FER: variants seen among roughly 807,000 people sequenced by gnomAD.
The protein encoded by FER is FER tyrosine kinase, also known as tyrosine-protein kinase Fer.
A neutral mutation model predicts 111.0 loss-of-function variants in FER; 63 were observed. The observed-to-expected ratio is 0.57, with a 90% confidence interval of 0.46 to 0.70. The LOEUF is 0.70. Among genes scored for constraint, FER ranks in the 30% least tolerant of loss-of-function variants. The probability of loss-of-function intolerance (pLI) is 0.00; values close to 1 mark genes in which losing one functional copy is unlikely to be tolerated. For synonymous variants in FER, 327 were observed against 313.9 expected (o/e 1.04, Z -0.44); for missense variants, 914 against 954.0 (o/e 0.96, Z 0.55).
intron 2 of FER, among the ~76,000 whole-genome samples, chr5:108,773,326 C>T (rs539227019): frequency 6.6e-6 from 1 of 152,092 alleles, no homozygotes; most frequent in South Asian, 2.1e-4. Context: ...GCTATTCTTC[C>T]TGATGCTCTC....
At chr5:109,125,451 C>T (rs1751590437) in intron 17 of FER, among the ~76,000 whole-genome samples, 1 of 152,164 alleles carries the variant, frequency 6.6e-6, no homozygotes, top group East Asian at 1.9e-4. Flanking sequence ...AACCTGTAAA[C>T]ATCTGTGACT....
intron 3 of FER, among the ~76,000 whole-genome samples, chr5:108,808,742 C>T (rs566514795): frequency 3.9e-5 from 6 of 152,088 alleles, no homozygotes; most frequent in Admixed American, 1.3e-4. Context: ...TTGTTGTTTC[C>T]TTGTTTAGAA....
At chr5:109,147,774 C>CACAT (rs1440137741) in intron 17 of FER, among the ~76,000 whole-genome samples, 8 of 126,560 alleles carry the variant, frequency 6.3e-5, no homozygotes, top group African/African-American at 2.5e-4. Context: ...CACACACACA[C>CACAT]ACATACATAT....
intron 2 of FER, among the ~76,000 whole-genome samples, chr5:108,774,877 G>A (rs1753321534): frequency 6.6e-6 from 1 of 152,024 alleles, no homozygotes; most frequent in African/African-American, 2.4e-5. Context: ...CTTTCACTGT[G>A]CAGAAGCTCT....
chr5:108,941,246 C>T (rs570967359), intron 10 of FER, among the ~76,000 whole-genome samples: 1 of 152,250 alleles, frequency 6.6e-6, no homozygotes, highest in East Asian at 1.9e-4. Flanking sequence ...AAGGCTAGAA[C>T]CAACTTATTA....
chr5:108,929,907 T>C (rs1340573543), intron 10 of FER, among the ~76,000 whole-genome samples: 1 of 152,204 alleles, frequency 6.6e-6, no homozygotes, highest in African/African-American at 2.4e-5. Flanking sequence ...AATTTGGTTT[T>C]TGAAGATAAT....
chr5:109,019,468 G>C (rs76282663), intron 13 of FER, among the ~76,000 whole-genome samples: 1,596 of 151,850 alleles, frequency 0.011, 24 homozygotes, highest in African/African-American at 0.036. Context: ...GTCAAAGTAT[G>C]ATTACCAAAC....
intron 16 of FER, among the ~76,000 whole-genome samples, chr5:109,074,748 C>T (rs1248835646): frequency 4.6e-5 from 7 of 152,228 alleles, no homozygotes; most frequent in Non-Finnish European, 8.8e-5. Flanking sequence ...GGGCTTTGCT[C>T]GCTTTTGCGA....
At chr5:108,937,472 TC>T (rs1215561963) in intron 10 of FER, among the ~76,000 whole-genome samples, 1 of 151,984 alleles carries the variant, frequency 6.6e-6, no homozygotes, top group Non-Finnish European at 1.5e-5. Flanking sequence ...TAGACTTGGT[TC>T]AGGTGGTAAT....
intron 17 of FER, among the ~76,000 whole-genome samples, chr5:109,168,519 C>T (rs1031161330): frequency 2.6e-5 from 4 of 152,052 alleles, no homozygotes; most frequent in Non-Finnish European, 5.9e-5. Flanking sequence ...ACAGTGTTTC[C>T]AGAGCTTCCA....
chr5:109,007,344 AAATT>A (rs1269833909), intron 13 of FER, among the ~76,000 whole-genome samples: 9 of 152,340 alleles, frequency 5.9e-5, no homozygotes, highest in African/African-American at 1.9e-4. Flanking sequence ...AGAGAAGTGA[AAATT>A]AATTCTTTTT....
At chr5:108,813,323 A>G (rs1257270864) in intron 3 of FER, among the ~76,000 whole-genome samples, 1 of 151,968 alleles carries the variant, frequency 6.6e-6, no homozygotes, top group African/African-American at 2.4e-5. Flanking sequence ...TCCCTTTGTT[A>G]CTGATGTTAA....
chr5:108,987,307 A>G (rs1762681150), intron 13 of FER, among the ~76,000 whole-genome samples: 1 of 152,000 alleles, frequency 6.6e-6, no homozygotes, highest in Non-Finnish European at 1.5e-5. Context: ...TTAGCCGGGC[A>G]TGGTGGTGGG....
intron 17 of FER, among the ~76,000 whole-genome samples, chr5:109,118,442 A>G (rs1011883551): frequency 6.6e-6 from 1 of 152,122 alleles, no homozygotes; most frequent in African/African-American, 2.4e-5. Context: ...ATCAATGTTC[A>G]TCATGGATAT....
At chr5:108,819,267 C>T (rs753054181) in intron 3 of FER, among the ~76,000 whole-genome samples, 9 of 151,078 alleles carry the variant, frequency 6.0e-5, no homozygotes, top group Non-Finnish European at 1.3e-4. Context: ...AAGTGATCCT[C>T]CTGCCTCAGC....
intron 13 of FER, among the ~76,000 whole-genome samples, chr5:109,001,709 T>C (rs939743807): frequency 5.9e-5 from 9 of 152,174 alleles, no homozygotes; most frequent in South Asian, 2.1e-4. Flanking sequence ...TGTTTGCAGA[T>C]GACATGATTG....
chr5:109,010,906 T>C (rs980372018), intron 13 of FER, among the ~76,000 whole-genome samples: 4 of 152,208 alleles, frequency 2.6e-5, no homozygotes, highest in Non-Finnish European at 5.9e-5. Flanking sequence ...AATCAGTTTA[T>C]TTTGTGAAGT....
At chr5:108,913,388 TTAGTC>T (rs1403461606) in intron 10 of FER, among the ~76,000 whole-genome samples, 1 of 152,166 alleles carries the variant, frequency 6.6e-6, no homozygotes, top group African/African-American at 2.4e-5. Context: ...TAGGGGTAAA[TTAGTC>T]TAGTATCTGT....
At chr5:109,081,021 G>A (rs1020019521) in intron 16 of FER, among the ~76,000 whole-genome samples, 10 of 152,018 alleles carry the variant, frequency 6.6e-5, no homozygotes, top group African/African-American at 2.4e-4. Flanking sequence ...CAGAGATGGT[G>A]GTTAAATAGT....
Sources: gnomAD v4.1 joint callset for allele counts (sites outside exome capture counted in the v4.1 genomes callset) on GRCh38, gnomAD v4.1.1 for gene constraint, MANE v1.5 for transcripts, NCBI Gene and HGNC (gene_info 2026-07-23, HGNC 2026-07-21) for gene names.